The following RBM19 variants were observed in gnomAD, a reference collection of about 807,000 sequenced individuals.
The protein encoded by RBM19 is probable RNA-binding protein 19.
A neutral mutation model predicts 116.8 loss-of-function variants in RBM19; 94 were observed. The observed-to-expected ratio is 0.80, with a 90% CI of 0.68 to 0.95. The LOEUF (loss-of-function observed/expected upper bound fraction) is 0.95, where lower values mean the gene tolerates loss of function less well. Among genes scored for constraint, RBM19 ranks in the 40% least tolerant of loss-of-function variants. The pLI is 0.00. For synonymous variants in RBM19, 475 were observed against 494.1 expected, an observed-to-expected ratio of 0.96 and a Z score of 0.51; for missense variants, 1,161 against 1,220.7, an observed-to-expected ratio of 0.95 and a Z score of 0.73.
At chr12:113,965,203 G>A (rs1378542487) in intron 1 of RBM19, among the ~76,000 whole-genome samples, 1 of 151,322 alleles carries the variant, frequency 6.6e-6, no homozygotes, top group Non-Finnish European at 1.5e-5. Flanking sequence ...AACCCGGGAG[G>A]CAAAAGTTGC....
intron 22 of RBM19, among the ~76,000 whole-genome samples, chr12:113,851,356 T>G (rs1877429819): frequency 6.6e-6 from 1 of 152,176 alleles, no homozygotes; most frequent in African/African-American, 2.4e-5. Flanking sequence ...GGGAGCTGAT[T>G]GTGAGGCAAA....
At chr12:113,918,671 C>G (rs1386830320) in intron 19 of RBM19, among the ~76,000 whole-genome samples, 1 of 152,238 alleles carries the variant, frequency 6.6e-6, no homozygotes, top group Non-Finnish European at 1.5e-5. Flanking sequence ...TGGACGCTCT[C>G]TTAAGCCACA....
chr12:113,865,373 C>A (rs973637816), intron 21 of RBM19, among the ~76,000 whole-genome samples: 1 of 152,210 alleles, frequency 6.6e-6, no homozygotes, highest in Non-Finnish European at 1.5e-5. Context: ...CTAACGTTGC[C>A]TCCTTTGCAC....
chr12:113,820,589 T>G (rs7314142), downstream of RBM19, among the ~76,000 whole-genome samples: 66,228 of 151,780 alleles, frequency 0.44, 14,571 homozygotes, highest in African/African-American at 0.46. Flanking sequence ...AGCTCACGGA[T>G]CAGTCAGGCC....
intron 21 of RBM19, among the ~76,000 whole-genome samples, chr12:113,863,210 T>C (rs1223826103): frequency 1.1e-5 from 1 of 92,570 alleles, no homozygotes; most frequent in East Asian, 6.2e-4. Context: ...AATACGTGTG[T>C]CTGTGTGTGT....
chr12:113,845,039 C>G (rs1876835694), intron 22 of RBM19, among the ~76,000 whole-genome samples: 1 of 152,200 alleles, frequency 6.6e-6, no homozygotes, highest in Non-Finnish European at 1.5e-5. Context: ...TAATTGGTGC[C>G]TGGGCTGAGG....
intron 1 of RBM19, among the ~76,000 whole-genome samples, chr12:113,963,340 C>T (rs1872648643): frequency 6.6e-6 from 1 of 152,186 alleles, no homozygotes; most frequent in Non-Finnish European, 1.5e-5. Flanking sequence ...CCAGGCTACC[C>T]TCACAACTCA....
downstream of RBM19, among the ~76,000 whole-genome samples, chr12:113,818,479 G>T (rs935269339): frequency 6.6e-6 from 1 of 152,126 alleles, no homozygotes; most frequent in Non-Finnish European, 1.5e-5. Flanking sequence ...TCCCTATCCC[G>T]CCCCAGCCTC....
At chr12:113,885,908 G>A (rs12230877) in intron 21 of RBM19, among the ~76,000 whole-genome samples, 27,250 of 135,302 alleles carry the variant, frequency 0.2, 2,598 homozygotes, top group Middle Eastern at 0.27. Flanking sequence ...TCTCTCTGTC[G>A]CCCAGGCTGG....
At chr12:113,946,267 C>A (rs1566034808) in intron 12 of RBM19, 87 bp downstream of exon 12, 10 of 1,578,002 alleles carry the variant, frequency 6.3e-6, no homozygotes, top group Middle Eastern at 1.8e-4. Context: ...CATCAGGAGT[C>A]AGAAGACCCA....
At chr12:113,901,574 T>C (rs190755580) in intron 21 of RBM19, among the ~76,000 whole-genome samples, 104 of 152,308 alleles carry the variant, frequency 6.8e-4, no homozygotes, top group Non-Finnish European at 1.4e-3. Flanking sequence ...AGTGGTGTAA[T>C]CTTGGCTTAC....
At chr12:113,845,997 C>T (rs1192327126) in intron 22 of RBM19, among the ~76,000 whole-genome samples, 1 of 152,200 alleles carries the variant, frequency 6.6e-6, no homozygotes, top group Non-Finnish European at 1.5e-5. Flanking sequence ...GAGTTAACAG[C>T]GTCTAGAACA....
intron 23 of RBM19, among the ~76,000 whole-genome samples, chr12:113,830,586 G>C (rs1485446478): frequency 1.0e-5 from 1 of 97,364 alleles, no homozygotes; most frequent in Non-Finnish European, 2.2e-5. Context: ...GGGGGGGGGG[G>C]GGGTGGGCTA....
intron 21 of RBM19, among the ~76,000 whole-genome samples, chr12:113,904,349 T>C (rs1881906604): frequency 6.6e-6 from 1 of 152,164 alleles, no homozygotes; most frequent in South Asian, 2.1e-4. Context: ...TTCCCTTGAA[T>C]TCATAATAGG....
At chr12:113,908,573 C>CAAAAAAA (rs11338829) in intron 21 of RBM19, among the ~76,000 whole-genome samples, 34 of 33,224 alleles carry the variant, frequency 1.0e-3, no homozygotes, top group South Asian at 4.3e-3. Flanking sequence ...AAGAAAATAG[C>CAAAAAAA]AAAAAAAAAA....
chr12:113,942,546 A>T, intron 13 of RBM19, 112 bp from the exon 14 acceptor site: 1 of 720,430 alleles, frequency 1.4e-6, no homozygotes, highest in Non-Finnish European at 2.2e-6. Flanking sequence ...GATTCCACGG[A>T]TGCCGCTCAC....
intron 23 of RBM19, among the ~76,000 whole-genome samples, chr12:113,839,783 G>C (rs1482225148): frequency 6.6e-6 from 1 of 152,214 alleles, no homozygotes; most frequent in Non-Finnish European, 1.5e-5. Context: ...GAAAACAGAA[G>C]CTCACAGGGA....
chr12:113,930,681 T>A (rs922100087), intron 16 of RBM19, among the ~76,000 whole-genome samples: 2 of 152,216 alleles, frequency 1.3e-5, no homozygotes, highest in African/African-American at 4.8e-5. Flanking sequence ...GGGTCTGCCT[T>A]TCCTCCAGCA....
rs111417486 is a variant in RBM19, at chr12:113,919,192, A to T, written c.2386-745T>A. On this transcript the variant is annotated intron_variant, in intron 19 of 23. Transcript: ENST00000261741. ...ATACCTTCTCAAGCTACTAACACCT[A>T]CTGCATCTGCTTCACTTTAGCTGAA... Among the ~76,000 whole-genome samples the T allele has an allele frequency of 4.8e-3, 733 of 152,318 alleles. 7 individuals are homozygous for T. The highest frequency in any genetic ancestry group is 0.016 in the African/African-American group (657 of 41,572).
Sources: allele counts gnomAD v4.1 joint callset (sites outside exome capture counted in the v4.1 genomes callset), GRCh38; gene constraint gnomAD v4.1.1; transcripts MANE v1.5; gene names NCBI Gene and HGNC (gene_info 2026-07-23, HGNC 2026-07-21).